NMBR: variants seen among roughly 807,000 people sequenced by gnomAD.
NMBR encodes the protein neuromedin-B receptor.
A neutral mutation model predicts 20.5 loss-of-function variants in NMBR; 16 were observed. That is an observed-to-expected ratio of 0.78 (90% CI 0.53 to 1.19). The LOEUF (loss-of-function observed/expected upper bound fraction) is 1.19. Among genes scored for constraint, NMBR ranks in the 50% most tolerant of loss-of-function variants. The probability of loss-of-function intolerance (pLI) is 0.00; values close to 1 mark genes in which losing one functional copy is unlikely to be tolerated. For missense variants in NMBR, 582 were observed against 499.1 expected, an observed-to-expected ratio of 1.17 and a Z score of -1.58; for synonymous variants, 212 against 196.6, an observed-to-expected ratio of 1.08 and a Z score of -0.65.
At chr6:142,137,472 T>C (rs1043541933) in intron 1 of NMBR, among the ~76,000 whole-genome samples, 6 of 152,334 alleles carry the variant, frequency 3.9e-5, no homozygotes, top group South Asian at 2.1e-4. Context: ...CTTTTCCTAA[T>C]TGAATACCCT....
In NMBR at chr6:142,075,540, C is replaced by A. The variant is rs1251066725; in HGVS notation, c.*108G>T. The A allele has an allele frequency of 9.7e-7, 1 of 1,030,186 alleles. No homozygotes were observed. The highest frequency in any genetic ancestry group is 1.8e-5 in the South Asian group (1 of 56,418). The allele number at this position is 1,030,186 out of a possible 1,614,324, so 63.8% of individuals were successfully genotyped here. On this transcript the variant is annotated 3_prime_UTR_variant, in exon 4 of 4. Coordinates refer to ENST00000258042, the MANE Select transcript of NMBR (RefSeq NM_002511.4). ...AATGTCTTGCATTTTCTGAGTCAAT[C>A]ATGCAATTGCCTAATAAATTAGCTA...
chr6:142,101,318 A>G (rs1411475805), intron 1 of NMBR, among the ~76,000 whole-genome samples: 2 of 152,208 alleles, frequency 1.3e-5, no homozygotes, highest in Non-Finnish European at 2.9e-5. Flanking sequence ...TATATAAGGA[A>G]ACAGCTTTTG....
At chr6:142,116,719 T>A (rs932371994) in intron 1 of NMBR, among the ~76,000 whole-genome samples, 1 of 152,062 alleles carries the variant, frequency 6.6e-6, no homozygotes, top group Admixed American at 6.6e-5. Context: ...ACATTCTTTT[T>A]ATTTCTTACC....
intron 1 of NMBR, among the ~76,000 whole-genome samples, chr6:142,124,128 C>T (rs973523808): frequency 6.6e-6 from 1 of 151,834 alleles, no homozygotes; most frequent in African/African-American, 2.4e-5. Flanking sequence ...AAAATAATGG[C>T]TGATTATTTT....
intron 1 of NMBR, chr6:142,133,736 G>A (rs1455444040): frequency 7.7e-6 from 4 of 519,616 alleles, no homozygotes; most frequent in Non-Finnish European, 6.9e-6. Context: ...GGGTCTATTT[G>A]GCTTCAAAAC....
intron 1 of NMBR, among the ~76,000 whole-genome samples, chr6:142,135,845 A>T (rs995402178): frequency 6.6e-6 from 1 of 151,756 alleles, no homozygotes; most frequent in Middle Eastern, 3.2e-3. Flanking sequence ...TTATGGCTGC[A>T]TAGTATTCCA....
chr6:142,078,511 C>T, intron 3 of NMBR, 44 bp downstream of exon 3: 2 of 1,089,988 alleles, frequency 1.8e-6, no homozygotes, highest in Non-Finnish European at 2.7e-6. Context: ...ATAGCAGTTA[C>T]TTGTTCTGAC....
chr6:142,135,001 A>G, intron 1 of NMBR: 1 of 453,130 alleles, frequency 2.2e-6, no homozygotes, highest in Non-Finnish European at 3.9e-6. Context: ...GTACAATTTC[A>G]AAACAAACTT....
Position 142,147,072 on chromosome 6 carries a change from C to G in NMBR, c.-692G>C. 1.8e-6 allele frequency: 1 copy of G among 567,750 alleles called. No individual in the cohort carries two copies. Among genetic ancestry groups the G allele is most frequent in the East Asian group, 2.8e-5 (1 of 35,776 alleles). The allele number at this position is 567,750 out of a possible 1,614,324, so 35.2% of individuals were successfully genotyped here. On this transcript the variant is annotated 5_prime_UTR_variant, in exon 1 of 4. An upstream start codon of the reference 5' UTR is lost. Transcript: ENST00000258042. ...CAGAGAGCGCTAGCGCCATGCGCGG[C>G]ATAAGCGCCAAAATGCTCGGGTCTT...
At chr6:142,081,128 C>T (rs916479427) in intron 2 of NMBR, among the ~76,000 whole-genome samples, 1 of 152,058 alleles carries the variant, frequency 6.6e-6, no homozygotes, top group Non-Finnish European at 1.5e-5. Context: ...GCTGTTTATT[C>T]AAATGGTGGA....
chr6:142,082,773 G>A (rs2114560043), intron 2 of NMBR, among the ~76,000 whole-genome samples: 1 of 152,258 alleles, frequency 6.6e-6, no homozygotes, highest in African/African-American at 2.4e-5. Context: ...TCAGATGCCT[G>A]CTCTTTAATT....
intron 1 of NMBR, among the ~76,000 whole-genome samples, chr6:142,134,242 T>C (rs768077010): frequency 2.6e-5 from 4 of 152,188 alleles, no homozygotes; most frequent in Non-Finnish European, 4.4e-5. Context: ...TCTACTAATG[T>C]TATCATTATT....
chr6:142,127,445 G>C (rs1778060122), intron 1 of NMBR, among the ~76,000 whole-genome samples: 1 of 151,880 alleles, frequency 6.6e-6, no homozygotes, highest in African/African-American at 2.4e-5. Context: ...TGTTTTTCTT[G>C]ATCAAGATTG....
chr6:142,130,978 A>G (rs891968623), intron 1 of NMBR, among the ~76,000 whole-genome samples: 2 of 152,184 alleles, frequency 1.3e-5, no homozygotes, highest in Non-Finnish European at 2.9e-5. Context: ...GCAAGATTTC[A>G]GAATTGTTAT....
chr6:142,099,495 C>T (rs1777519878), intron 1 of NMBR, among the ~76,000 whole-genome samples: 3 of 152,068 alleles, frequency 2.0e-5, no homozygotes, highest in Non-Finnish European at 4.4e-5. Context: ...TGAGAGCTCA[C>T]TCACTATCAT....
intron 2 of NMBR, among the ~76,000 whole-genome samples, chr6:142,081,878 A>G (rs938376163): frequency 6.6e-6 from 1 of 152,198 alleles, no homozygotes; most frequent in African/African-American, 2.4e-5. Flanking sequence ...AAAACTAAAT[A>G]CTAGAGAATG....
At chr6:142,117,769 G>C (rs1188221297) in intron 1 of NMBR, among the ~76,000 whole-genome samples, 1 of 151,902 alleles carries the variant, frequency 6.6e-6, no homozygotes, top group African/African-American at 2.4e-5. Flanking sequence ...ATATGATTCA[G>C]TATATACCAA....
At position 142,139,211 on chromosome 6, in the gene NMBR, T is replaced by C. The variant is rs199924369; in HGVS notation, c.-664+7833A>G. On this transcript the variant is annotated intron_variant, in intron 1 of 3. Transcript: ENST00000258042. ...ATTCTTCCCCAGGGAAGATCACTTT[T>C]CCAAAAAATCCCACAGAAGACTTCC... is the stretch of plus-strand genomic sequence containing the variant. Among the ~76,000 whole-genome samples, 3 of 152,166 alleles carry C rather than the reference T, an allele frequency of 2.0e-5. No homozygotes were observed. In the East Asian group the frequency reaches 5.8e-4, roughly 29 times the overall value.
intron 1 of NMBR, among the ~76,000 whole-genome samples, chr6:142,124,424 C>G (rs1248689364): frequency 2.0e-5 from 3 of 151,766 alleles, no homozygotes; most frequent in African/African-American, 7.3e-5. Context: ...ATCTCATGTA[C>G]TATCTCATTT....
Sources: gnomAD v4.1 joint callset for allele counts (sites outside exome capture counted in the v4.1 genomes callset) on GRCh38, gnomAD v4.1.1 for gene constraint, MANE v1.5 for transcripts, NCBI Gene and HGNC (gene_info 2026-07-23, HGNC 2026-07-21) for gene names.